SETD5: variants seen among roughly 807,000 people sequenced by gnomAD.
The protein encoded by SETD5 is histone-lysine N-methyltransferase SETD5.
Under a neutral mutation model 153.3 loss-of-function variants are expected in SETD5, and 44 were observed. The ratio of observed to expected loss-of-function variants is 0.29; its 90% CI spans 0.23 to 0.37. The LOEUF (loss-of-function observed/expected upper bound fraction) is 0.37. Ranked by LOEUF, SETD5 falls within the 10% of genes least tolerant of loss-of-function variation. SETD5 has a pLI of 1.00. For synonymous variants in SETD5, 716 were observed against 645.2 expected, an observed-to-expected ratio of 1.11 and a Z score of -1.66; for missense variants, 1,544 against 1,768.0, an observed-to-expected ratio of 0.87 and a Z score of 2.27.
chr3:9,400,741 G>GGACA (rs1268561390), intron 1 of SETD5, among the ~76,000 whole-genome samples: 1 of 152,140 alleles, frequency 6.6e-6, no homozygotes, highest in Non-Finnish European at 1.5e-5. Context: ...CTGAAATGTA[G>GGACA]GACAGACCAG....
chr3:9,439,251 ATTG>A (rs1247532681), intron 7 of SETD5, among the ~76,000 whole-genome samples: 1 of 152,030 alleles, frequency 6.6e-6, no homozygotes, highest in Non-Finnish European at 1.5e-5. Context: ...CCCTTTGTTT[ATTG>A]TTCAGTCTTT....
At chr3:9,428,079 T>C (rs1257431820) in intron 2 of SETD5, among the ~76,000 whole-genome samples, 1 of 152,158 alleles carries the variant, frequency 6.6e-6, no homozygotes, top group Non-Finnish European at 1.5e-5. Context: ...AGAGCAGTTT[T>C]AGGTTCACAG....
intron 1 of SETD5, among the ~76,000 whole-genome samples, chr3:9,406,061 C>T (rs971174179): frequency 3.3e-5 from 5 of 152,154 alleles, no homozygotes; most frequent in East Asian, 1.9e-4. Flanking sequence ...ACTACTTCTG[C>T]GTTTATTTTA....
chr3:9,408,474 C>G lies in SETD5; in HGVS notation c.-177+10497C>G, dbSNP rs190427101. On this transcript the variant is annotated intron_variant, in intron 1 of 22. Transcript: ENST00000402198. Reference sequence around the variant, plus strand: ...CCATTTGATCAGGATAAGGTCCATACCTTGATTGGTAAGTTTGAGTCTTTA... The same window carrying G: ...CCATTTGATCAGGATAAGGTCCATAGCTTGATTGGTAAGTTTGAGTCTTTA... 1.3e-3 allele frequency among the ~76,000 whole-genome samples: 192 copies of G among 152,168 alleles called. 1 individual carries two copies. The highest frequency in any genetic ancestry group is 4.3e-3 in the African/African-American group (178 of 41,522).
chr3:9,468,263 G>A (rs745984541), intron 18 of SETD5, among the ~76,000 whole-genome samples: 1 of 152,018 alleles, frequency 6.6e-6, no homozygotes, highest in African/African-American at 2.4e-5. Context: ...TGCTTGAGAT[G>A]TTTACTTACA....
chr3:9,468,352 T>C lies in SETD5; in HGVS notation c.2725-2107T>C, dbSNP rs144590696. 1.5e-4 allele frequency among the ~76,000 whole-genome samples: 23 copies of C among 152,282 alleles called. No individual in the cohort carries two copies. In the East Asian group the frequency reaches 4.1e-3, roughly 27 times the overall value. On this transcript the variant is annotated intron_variant, in intron 18 of 22. Transcript: ENST00000402198. ...GCATTTTAACAAGTCATTCTGTCCA[T>C]TGAGATGAGTTCTGCAGTTAAATAT...
In SETD5 at chr3:9,448,393, A is replaced by G. The variant is rs2042258229; in HGVS notation, c.2109A>G (p.Leu703=). The change falls in exon 16 of 23, where the codon CTA becomes CTG. Residue 703 remains leucine, a synonymous_variant. Coordinates refer to ENST00000402198, the MANE Select transcript of SETD5 (RefSeq NM_001080517.3). Reference sequence around the variant, plus strand: ...TGATCTCTTTTTTACCTTAGTATCTAGTTACAGAATGGTTGAATGACAAAG... The same window carrying G: ...TGATCTCTTTTTTACCTTAGTATCTGGTTACAGAATGGTTGAATGACAAAG... ...ASKYPKTKKY[L]VTEWLNDKAE... The G allele has an allele frequency of 1.9e-6, 3 of 1,613,768 alleles. No individual in the cohort carries two copies. The highest frequency in any genetic ancestry group is 2.5e-6 in the Non-Finnish European group (3 of 1,179,778).
intron 1 of SETD5, among the ~76,000 whole-genome samples, chr3:9,406,791 G>A (rs1338169785): frequency 1.3e-5 from 2 of 152,132 alleles, no homozygotes; most frequent in Non-Finnish European, 2.9e-5. Flanking sequence ...GCACATTTTA[G>A]GATGGAGCTA....
intron 17 of SETD5, among the ~76,000 whole-genome samples, chr3:9,459,771 T>C (rs550276060): frequency 1.3e-5 from 2 of 151,806 alleles, no homozygotes; most frequent in East Asian, 3.9e-4. Context: ...TAAGGTTCCT[T>C]CTAGGAATGT....
intron 16 of SETD5, among the ~76,000 whole-genome samples, chr3:9,450,406 C>A (rs1158676602): frequency 2.6e-5 from 4 of 152,180 alleles, no homozygotes; most frequent in Non-Finnish European, 4.4e-5. Flanking sequence ...TAAATAGGAT[C>A]TTTAAAAACT....
intron 1 of SETD5, among the ~76,000 whole-genome samples, chr3:9,423,028 T>G (rs1003913654): frequency 2.6e-5 from 4 of 152,258 alleles, no homozygotes; most frequent in South Asian, 2.1e-4. Flanking sequence ...TTGGATTGGT[T>G]GTTTATTGGA....
At chr3:9,431,853 C>A in intron 3 of SETD5, 1 of 325,688 alleles carries the variant, frequency 3.1e-6, no homozygotes, top group Non-Finnish European at 4.4e-6. Context: ...AAATCCATTC[C>A]TAATAAACAG....
chr3:9,464,657 T>C lies in SETD5; in HGVS notation c.2709T>C (p.Thr903=), dbSNP rs1304304162. Residue 903 remains threonine (T), a synonymous_variant, in exon 18 of 23, where the codon ACT becomes ACC. Coordinates refer to ENST00000402198, the MANE Select transcript of SETD5 (RefSeq NM_001080517.3). ...TTACTACTGCTAGTCGCTGCAACACTCCTCTACAGTTTGAGGTGATTTGGG... is the reference window on the plus strand; with the variant it reads ...TTACTACTGCTAGTCGCTGCAACACCCCTCTACAGTTTGAGGTGATTTGGG... ...TSLTTASRCN[T]PLQFELCHRK... 1 of 1,613,990 alleles carries C rather than the reference T, an allele frequency of 6.2e-7. No homozygotes were observed. Among genetic ancestry groups the C allele is most frequent in the South Asian group, 1.1e-5 (1 of 91,080 alleles).
intron 17 of SETD5, among the ~76,000 whole-genome samples, chr3:9,454,835 A>T (rs1476658046): frequency 1.3e-5 from 2 of 152,122 alleles, no homozygotes; most frequent in East Asian, 3.9e-4. Context: ...ATATCAGCTT[A>T]ATTGAAAAGT....
At chr3:9,428,743 A>G (rs1406503135) in intron 2 of SETD5, 80 bp from the exon 3 acceptor site, 1 of 394,050 alleles carries the variant, frequency 2.5e-6, no homozygotes, top group East Asian at 3.9e-5. Flanking sequence ...AAAAATATTC[A>G]GTAACATTTA....
intron 1 of SETD5, among the ~76,000 whole-genome samples, chr3:9,403,221 G>C (rs2035099101): frequency 6.6e-6 from 1 of 152,040 alleles, no homozygotes; most frequent in African/African-American, 2.4e-5. Context: ...ATACATTTCA[G>C]AATATCTTGT....
intron 1 of SETD5, among the ~76,000 whole-genome samples, chr3:9,404,145 G>A (rs1019951885): frequency 5.3e-5 from 8 of 152,248 alleles, no homozygotes; most frequent in East Asian, 1.9e-4. Context: ...TACTAAACTA[G>A]CCTTAAAGTT....
In SETD5 at chr3:9,447,528, G is replaced by A. The variant is rs565226880; in HGVS notation, c.1783-158G>A. Reference sequence around the variant, plus strand: ...GCTAGCCTCTTTAGCTCATTTAAGTGTATACATTTTTGTATTTAAAAATTA... The same window carrying A: ...GCTAGCCTCTTTAGCTCATTTAAGTATATACATTTTTGTATTTAAAAATTA... On this transcript the variant is annotated intron_variant, in intron 14 of 22. Coordinates refer to ENST00000402198, the MANE Select transcript of SETD5 (RefSeq NM_001080517.3). Among the ~76,000 whole-genome samples the A allele has an allele frequency of 5.0e-4, 76 of 150,760 alleles. No individual in the cohort carries two copies. The South Asian group carries it at 0.013, about 26-fold the overall frequency.
At chr3:9,420,397 A>AT (rs1043758551) in intron 1 of SETD5, among the ~76,000 whole-genome samples, 2 of 151,888 alleles carry the variant, frequency 1.3e-5, no homozygotes, top group Middle Eastern at 3.4e-3. Flanking sequence ...ATAGACTAGG[A>AT]TTTTTTTTCA....
Sources: gnomAD v4.1 joint callset for allele counts (sites outside exome capture counted in the v4.1 genomes callset) on GRCh38, gnomAD v4.1.1 for gene constraint, MANE v1.5 for transcripts, NCBI Gene and HGNC (gene_info 2026-07-23, HGNC 2026-07-21) for gene names.